The following SLC23A2 variants were observed in gnomAD, a reference collection of about 807,000 sequenced individuals.
SLC23A2 encodes the protein solute carrier family 23 member 2.
Under a neutral mutation model 73.3 loss-of-function variants are expected in SLC23A2, and 36 were observed. The observed-to-expected ratio is 0.49, with a 90% confidence interval of 0.38 to 0.65. The LOEUF (loss-of-function observed/expected upper bound fraction) is 0.65. Ranked by LOEUF, SLC23A2 falls within the 30% of genes least tolerant of loss-of-function variation. The pLI, the probability that SLC23A2 is intolerant of heterozygous loss-of-function variation, is 0.00. For synonymous variants in SLC23A2, 343 were observed against 327.3 expected, an observed-to-expected ratio of 1.05 and a Z score of -0.52; for missense variants, 507 against 841.6, an observed-to-expected ratio of 0.60 and a Z score of 4.92.
chr20:4,935,657 GGCGT>G (rs2086951364), intron 2 of SLC23A2, among the ~76,000 whole-genome samples: 1 of 152,002 alleles, frequency 6.6e-6, no homozygotes, highest in South Asian at 2.1e-4. Context: ...AAATTAGCCG[GGCGT>G]GGTGGCGGGC....
chr20:4,980,678 C>A (rs2087712713), intron 1 of SLC23A2, among the ~76,000 whole-genome samples: 1 of 151,788 alleles, frequency 6.6e-6, no homozygotes, highest in Admixed American at 6.6e-5. Flanking sequence ...TTACAGGTGG[C>A]TGCCACCACA....
In SLC23A2 at chr20:5,008,018, T is replaced by G. The variant is rs546503801; in HGVS notation, c.-282+2164A>C. Among the ~76,000 whole-genome samples the G allele has an allele frequency of 2.0e-5, 3 of 152,196 alleles. No individual in the cohort carries two copies. The East Asian group carries it at 5.8e-4, about 29-fold the overall frequency. ...TCTGCCTCCTGGGTTCAGGCGATTC[T>G]CCTGCCTCAGCCTCCTGAGTAGCTG... On this transcript the variant is annotated intron_variant, in intron 1 of 16. Transcript: ENST00000379333.
In SLC23A2 at chr20:4,998,441, A is replaced by G. The variant is rs1176245465; in HGVS notation, c.-282+2965T>C. Among the ~76,000 whole-genome samples, 2 of 152,246 alleles carry G rather than the reference A, an allele frequency of 1.3e-5. No individual in the cohort carries two copies. The highest frequency in any genetic ancestry group is 1.9e-4 in the East Asian group (1 of 5,202). Reference sequence around the variant, plus strand: ...GACGAAATAACAGGTTCAAAATAGCAAAGCCACAGAGAAAATGAGAAGAAC... The same window carrying G: ...GACGAAATAACAGGTTCAAAATAGCGAAGCCACAGAGAAAATGAGAAGAAC... On this transcript the variant is annotated intron_variant, in intron 1 of 16. Coordinates refer to ENST00000338244, the MANE Select transcript of SLC23A2 (RefSeq NM_005116.6). The surrounding 1 kb of genome is among the most constrained non-coding windows in gnomAD (Gnocchi z 4.1).
At chr20:4,973,731 G>C (rs776919093) in intron 1 of SLC23A2, among the ~76,000 whole-genome samples, 1 of 152,150 alleles carries the variant, frequency 6.6e-6, no homozygotes, top group Non-Finnish European at 1.5e-5. Context: ...GCAAGGCTAC[G>C]GGGCTGAGAT....
Position 4,986,776 on chromosome 20 carries a change from TAAAAC to T in SLC23A2, c.-282+14625_-282+14629del, listed in dbSNP as rs930949826. On this transcript the variant is annotated intron_variant, in intron 1 of 16. Transcript: ENST00000338244. Reference sequence around the variant, plus strand: ...TTAGCAGTTGACCGTATTCAAGAAATAAAACAGTAAGTGTGAGATCTCAGAGTCAA... The same window carrying T: ...TTAGCAGTTGACCGTATTCAAGAAATAGTAAGTGTGAGATCTCAGAGTCAA... 2.8e-5 allele frequency among the ~76,000 whole-genome samples: 4 copies of T among 144,462 alleles called. No homozygotes were observed. In the East Asian group the frequency reaches 6.2e-4, roughly 22 times the overall value. The allele number at this position is 144,462 out of a possible 152,430, so 94.8% of individuals were successfully genotyped here.
chr20:4,900,613 T>C (rs1931708543), intron 5 of SLC23A2, among the ~76,000 whole-genome samples: 2 of 152,230 alleles, frequency 1.3e-5, no homozygotes, highest in Non-Finnish European at 2.9e-5. Context: ...GTTTTCTGTC[T>C]TTTTCTGTGA....
intron 4 of SLC23A2, among the ~76,000 whole-genome samples, chr20:4,904,944 T>C (rs1280349466): frequency 6.6e-6 from 1 of 151,944 alleles, no homozygotes; most frequent in African/African-American, 2.4e-5. Context: ...TGAAACCCTG[T>C]CTCTACTAAA....
At chr20:4,990,483 C>T (rs902166943) in intron 1 of SLC23A2, among the ~76,000 whole-genome samples, 4 of 151,950 alleles carry the variant, frequency 2.6e-5, no homozygotes, top group Admixed American at 6.6e-5. Flanking sequence ...GATTCCCATG[C>T]TACTCAGCCT....
chr20:4,890,288 A>T (rs997275687), intron 6 of SLC23A2, among the ~76,000 whole-genome samples: 23 of 152,304 alleles, frequency 1.5e-4, no homozygotes, highest in African/African-American at 5.5e-4. Context: ...GAGATGTAAC[A>T]GGTTTGGCTT....
chr20:4,888,226 A>G (rs138964318), intron 6 of SLC23A2, among the ~76,000 whole-genome samples: 2 of 152,326 alleles, frequency 1.3e-5, no homozygotes, highest in East Asian at 3.9e-4. Flanking sequence ...CCTGTTCTGT[A>G]AGTAAAGTTG....
chr20:4,859,032 C>T (rs1446068672), intron 16 of SLC23A2, among the ~76,000 whole-genome samples: 2 of 152,184 alleles, frequency 1.3e-5, no homozygotes, highest in Non-Finnish European at 2.9e-5. Flanking sequence ...GCCATCTCAC[C>T]AAACGCAGCG....
rs761649833 is a variant in SLC23A2, at chr20:4,883,591, T to C, written c.824+51A>G. 1 of 1,309,628 alleles carries C rather than the reference T, an allele frequency of 7.6e-7. No homozygotes were observed. Among genetic ancestry groups the C allele is most frequent in the Non-Finnish European group, 1.1e-6 (1 of 940,262 alleles). 81.1% of individuals were successfully genotyped at this position (1,309,628 alleles called of 1,614,324 possible). ...TATCTCCTGAAGTCTGTGTGAATGT[T>C]CCTAAAGGCTGCCCCGCAGTGGTGG... On this transcript the variant is annotated intron_variant, in intron 9 of 16. Coordinates refer to ENST00000338244, the MANE Select transcript of SLC23A2 (RefSeq NM_005116.6). This position sits in a 1 kb window ranked among gnomAD's most constrained non-coding sequence, Gnocchi z 4.5.
At chr20:4,988,688 A>G (rs2087871443) in intron 1 of SLC23A2, among the ~76,000 whole-genome samples, 1 of 150,390 alleles carries the variant, frequency 6.6e-6, no homozygotes, top group Non-Finnish European at 1.5e-5. Flanking sequence ...GTGAGCTGAG[A>G]TCGCGCCCCT....
chr20:4,877,167 A>T (rs938529866), intron 9 of SLC23A2, among the ~76,000 whole-genome samples: 3 of 146,360 alleles, frequency 2.0e-5, no homozygotes, highest in East Asian at 2.1e-4. Flanking sequence ...ATAATAAAAT[A>T]TAAATAAATA....
chr20:4,999,384 G>C (rs2088079009), intron 1 of SLC23A2, among the ~76,000 whole-genome samples: 1 of 152,148 alleles, frequency 6.6e-6, no homozygotes, highest in African/African-American at 2.4e-5. Flanking sequence ...TACTCAGTGG[G>C]TGGCTACATG....
intron 15 of SLC23A2, among the ~76,000 whole-genome samples, chr20:4,860,392 G>A (rs1929909991): frequency 6.6e-6 from 1 of 152,220 alleles, no homozygotes; most frequent in Admixed American, 6.5e-5. Context: ...GTAGTGCCAT[G>A]TCTGTCATAC....
At position 4,902,170 on chromosome 20, in the gene SLC23A2, A is replaced by C. The variant is rs1463709094; in HGVS notation, c.324+272T>G. On this transcript the variant is annotated intron_variant, in intron 5 of 16. Coordinates refer to ENST00000338244, the MANE Select transcript of SLC23A2 (RefSeq NM_005116.6). The surrounding 1 kb of genome is among the most constrained non-coding windows in gnomAD (Gnocchi z 4.0). Reference sequence around the variant, plus strand: ...GGGCACACACCACCACACATGGCTAATTTTTGTATTTTTTGTAGAGATGGA... The same window carrying C: ...GGGCACACACCACCACACATGGCTACTTTTTGTATTTTTTGTAGAGATGGA... Among the ~76,000 whole-genome samples, 2 of 152,096 alleles carry C rather than the reference A, an allele frequency of 1.3e-5. No homozygotes were observed. The highest frequency in any genetic ancestry group is 2.9e-5 in the Non-Finnish European group (2 of 68,006).
chr20:4,961,090 C>CT (rs575903187), intron 2 of SLC23A2, among the ~76,000 whole-genome samples: 7,881 of 143,448 alleles, frequency 0.055, 659 homozygotes, highest in African/African-American at 0.18. Context: ...ATTACACATC[C>CT]TTTTTTTTTT....
chr20:4,862,834 G>C lies in SLC23A2; in HGVS notation c.1430C>G (p.Ala477Gly). 1 of 1,614,018 alleles carries C rather than the reference G, an allele frequency of 6.2e-7. No individual in the cohort carries two copies. The highest frequency in any genetic ancestry group is 1.6e-4 in the Middle Eastern group (1 of 6,062). ...LALGMIGKFS[A>G]LFASLPDPVL... The stretch of plus-strand genomic sequence containing the variant: ...AGGATCCGGAAGGGACGCAAAGAGG[G>C]CGCTGAACTTCCCGATCATGCCCAG... The change falls in exon 14 of 17, where the codon GCC becomes GGC. Residue 477 changes from alanine (A) to glycine (G), a missense_variant. Physicochemically the swap from Ala to Gly is moderately conservative, Grantham distance 60. Transcript: ENST00000338244. The surrounding 1 kb of genome is among the most constrained non-coding windows in gnomAD (Gnocchi z 5.1).
Sources: gnomAD v4.1 joint callset for allele counts (sites outside exome capture counted in the v4.1 genomes callset) on GRCh38, gnomAD v4.1.1 for gene constraint, Gnocchi (gnomAD v3.1) non-coding constraint, MANE v1.5 for transcripts, NCBI Gene and HGNC (gene_info 2026-07-23, HGNC 2026-07-21) for gene names.